Variants in DLC1 observed in about 807,000 individuals in gnomAD.
DLC1 encodes the protein DLC1 Rho GTPase activating protein, also known as rho GTPase-activating protein 7.
A neutral mutation model predicts 140.3 loss-of-function variants in DLC1; 54 were observed. That is an observed-to-expected ratio of 0.38 (90% confidence interval 0.31 to 0.48). The LOEUF (loss-of-function observed/expected upper bound fraction) is 0.48. Among genes scored for constraint, DLC1 ranks in the 20% least tolerant of loss-of-function variants. The probability of loss-of-function intolerance (pLI) is 0.96; values close to 1 mark genes in which losing one functional copy is unlikely to be tolerated. For synonymous variants in DLC1, 986 were observed against 728.1 expected, an observed-to-expected ratio of 1.35 and a Z score of -5.70; for missense variants, 2,536 against 1,907.0, an observed-to-expected ratio of 1.33 and a Z score of -6.14.
intron 4 of DLC1, among the ~76,000 whole-genome samples, chr8:13,384,704 C>A (rs1468416404): frequency 6.6e-6 from 1 of 152,116 alleles, no homozygotes; most frequent in African/African-American, 2.4e-5. Context: ...GCCAGCAGAA[C>A]CATAGACCCG....
At chr8:13,374,307 T>A (rs1251874613) in intron 4 of DLC1, among the ~76,000 whole-genome samples, 3 of 106,666 alleles carry the variant, frequency 2.8e-5, no homozygotes, top group Non-Finnish European at 5.6e-5. Flanking sequence ...CAAATTCTTT[T>A]TTTTTAATGT....
intron 2 of DLC1, among the ~76,000 whole-genome samples, chr8:13,495,189 A>G (rs1230536908): frequency 1.3e-5 from 2 of 152,184 alleles, no homozygotes; most frequent in Admixed American, 6.5e-5. Flanking sequence ...TGGTTATTCA[A>G]AAAATTCAGA....
chr8:13,186,821 A>G (rs754519595), intron 5 of DLC1, among the ~76,000 whole-genome samples: 9 of 152,214 alleles, frequency 5.9e-5, no homozygotes, highest in Non-Finnish European at 8.8e-5. Flanking sequence ...TTGGTGACGT[A>G]CAGATGGGGT....
Position 13,083,475 on chromosome 8 carries a change from A to C in DLC1, c.*2336T>G, listed in dbSNP as rs1246636963. Reference sequence around the variant, plus strand: ...CAAGCCCTGCCCTCAAAGAGCTTACAATCTAGGCAATTAGTCACACAAATA... The same window carrying C: ...CAAGCCCTGCCCTCAAAGAGCTTACCATCTAGGCAATTAGTCACACAAATA... On this transcript the variant is annotated 3_prime_UTR_variant, in exon 18 of 18. Coordinates refer to ENST00000276297, the MANE Select transcript of DLC1 (RefSeq NM_182643.3). The C allele has an allele frequency of 6.6e-6, 1 of 152,162 alleles. No individual in the cohort carries two copies. Among genetic ancestry groups the C allele is most frequent in the African/African-American group, 2.4e-5 (1 of 41,438 alleles). 9.4% of individuals were successfully genotyped at this position (152,162 alleles called of 1,614,324 possible). A position where few individuals can be genotyped will look rare whatever the true frequency, so the allele number is the denominator to read the frequency against.
At position 13,110,840 on chromosome 8, in the gene DLC1, CAG is replaced by C. The variant is rs1350129120; in HGVS notation, c.1421-19_1421-18del. The C allele has an allele frequency of 6.2e-7, 1 of 1,612,872 alleles. No individual in the cohort carries two copies. The highest frequency in any genetic ancestry group is 8.5e-7 in the Non-Finnish European group (1 of 1,179,334). On this transcript the variant is annotated intron_variant, in intron 6 of 17. Coordinates refer to ENST00000276297, the MANE Select transcript of DLC1 (RefSeq NM_182643.3). The stretch of plus-strand genomic sequence containing the variant: ...ACAGGAAATCTATGAGAAAAATAAA[CAG>C]ATGTATTTGTTGAGCGCCTAAAACC...
At chr8:13,147,984 C>T (rs1823556454) in intron 5 of DLC1, among the ~76,000 whole-genome samples, 1 of 151,986 alleles carries the variant, frequency 6.6e-6, no homozygotes, top group Admixed American at 6.6e-5. Flanking sequence ...AAGACTCCAT[C>T]TCAAAAAAAG....
Position 13,083,476 on chromosome 8 carries a change from A to G in DLC1, c.*2335T>C, listed in dbSNP as rs1000192405. On this transcript the variant is annotated 3_prime_UTR_variant, in exon 18 of 18. Transcript: ENST00000276297. ...AAGCCCTGCCCTCAAAGAGCTTACA[A>G]TCTAGGCAATTAGTCACACAAATAA... 2.0e-5 allele frequency: 3 copies of G among 152,182 alleles called. No individual in the cohort carries two copies. Among genetic ancestry groups the G allele is most frequent in the African/African-American group, 7.2e-5 (3 of 41,442 alleles). 9.4% of individuals were successfully genotyped at this position (152,182 alleles called of 1,614,324 possible).
At chr8:13,276,698 G>A in intron 5 of DLC1, 1 of 804,618 alleles carries the variant, frequency 1.2e-6, no homozygotes, top group Non-Finnish European at 1.6e-6. Flanking sequence ...GACTCACCTG[G>A]GTCCGCGCCG....
At chr8:13,250,870 T>C (rs1177059243) in intron 5 of DLC1, among the ~76,000 whole-genome samples, 1 of 151,834 alleles carries the variant, frequency 6.6e-6, no homozygotes, top group African/African-American at 2.4e-5. Flanking sequence ...ATTTTAATAA[T>C]ACAAAAGCAA....
At chr8:13,115,529 T>G in intron 6 of DLC1, 57 bp downstream of exon 6, 1 of 1,476,398 alleles carries the variant, frequency 6.8e-7, no homozygotes, top group Admixed American at 1.8e-5. Context: ...TCAGTAATAC[T>G]CGCGAACAAG....
At chr8:13,292,581 G>T (rs568068612) in intron 5 of DLC1, among the ~76,000 whole-genome samples, 81 of 152,112 alleles carry the variant, frequency 5.3e-4, no homozygotes, top group South Asian at 1.5e-3. Flanking sequence ...ACGCTATTGT[G>T]TTCATCATTG....
chr8:13,209,048 T>C (rs1029558064), intron 5 of DLC1, among the ~76,000 whole-genome samples: 5 of 152,134 alleles, frequency 3.3e-5, no homozygotes, highest in Admixed American at 1.3e-4. Context: ...CTTGATGACT[T>C]TGATTTTTCT....
At chr8:13,576,535 C>G (rs1195071407) in intron 1 of DLC1, among the ~76,000 whole-genome samples, 1 of 152,124 alleles carries the variant, frequency 6.6e-6, no homozygotes, top group African/African-American at 2.4e-5. Context: ...AAAAGTTGAG[C>G]TTCTTTTAAC....
At position 13,497,043 on chromosome 8, in the gene DLC1, G is replaced by C. The variant is rs1801547410; in HGVS notation, c.1023+2006C>G. On this transcript the variant is annotated intron_variant, in intron 2 of 17. Transcript: ENST00000276297. ...TCTCGATCTCCTGACCTCGTGATAC[G>C]CCTGCCTCGGCCTCCCAAAGTGCTG... is the stretch of plus-strand genomic sequence containing the variant. Among the ~76,000 whole-genome samples, 2 of 151,940 alleles carry C rather than the reference G, an allele frequency of 1.3e-5. 1 individual carries two copies. Among genetic ancestry groups the C allele is most frequent in the Middle Eastern group, 6.8e-3 (2 of 292 alleles).
At position 13,499,042 on chromosome 8, in the gene DLC1, G is replaced by A; in HGVS notation, c.1023+7C>T. ...CAAAAGCCAGAGAATCTGTGCATAT[G>A]TCTTACCTTTCTCTTACGAAGTCTG... On this transcript the variant is annotated splice_region_variant and intron_variant, in intron 2 of 17. Transcript: ENST00000276297. 2 of 1,604,088 alleles carry A rather than the reference G, an allele frequency of 1.2e-6. No individual in the cohort carries two copies. Among genetic ancestry groups the A allele is most frequent in the Non-Finnish European group, 8.5e-7 (1 of 1,176,220 alleles).
chr8:13,351,158 A>T (rs1834642928), intron 4 of DLC1, among the ~76,000 whole-genome samples: 1 of 152,230 alleles, frequency 6.6e-6, no homozygotes, highest in Non-Finnish European at 1.5e-5. Context: ...GAGGCTATTT[A>T]TTCAGCAAAC....
At chr8:13,327,103 C>T (rs939545107) in intron 4 of DLC1, among the ~76,000 whole-genome samples, 85 of 151,290 alleles carry the variant, frequency 5.6e-4, no homozygotes, top group Non-Finnish European at 6.9e-4. Flanking sequence ...TATAGGCGCC[C>T]GCCACCACAC....
Position 13,455,691 on chromosome 8 carries a change from T to C in DLC1, c.1023+43358A>G, listed in dbSNP as rs772449251. Among the ~76,000 whole-genome samples the C allele has an allele frequency of 7.4e-4, 113 of 152,178 alleles. 2 individuals are homozygous for C. The highest frequency in any genetic ancestry group is 1.3e-3 in the Non-Finnish European group (90 of 68,044). On this transcript the variant is annotated intron_variant, in intron 2 of 17. Coordinates refer to ENST00000276297, the MANE Select transcript of DLC1 (RefSeq NM_182643.3). ...CAACAGTTGTCATTTCACTTAATAG[T>C]TGTCATTTCAGTCAAGTTGCATCTT...
At chr8:13,367,901 G>A (rs923621267) in intron 4 of DLC1, among the ~76,000 whole-genome samples, 3 of 152,078 alleles carry the variant, frequency 2.0e-5, no homozygotes, top group Admixed American at 6.5e-5. Flanking sequence ...GAAGTTTTTC[G>A]GCTTAGACAG....
Sources: allele counts gnomAD v4.1 joint callset (sites outside exome capture counted in the v4.1 genomes callset), GRCh38; gene constraint gnomAD v4.1.1; transcripts MANE v1.5; gene names NCBI Gene and HGNC (gene_info 2026-07-23, HGNC 2026-07-21).